The following GRID2 variants were observed in gnomAD, a reference collection of about 807,000 sequenced individuals.
GRID2 encodes glutamate ionotropic receptor delta type subunit 2, also known as glutamate receptor ionotropic, delta-2.
GRID2 carries 33 observed loss-of-function variants against 114.8 expected under a neutral mutation model. The observed-to-expected ratio is 0.29, with a 90% CI of 0.22 to 0.38. GRID2 has a LOEUF of 0.38. GRID2 is among the 10% of genes least tolerant of loss of function. The probability of loss-of-function intolerance (pLI) is 1.00; values close to 1 mark genes in which losing one functional copy is unlikely to be tolerated. For synonymous variants in GRID2, 505 were observed against 449.9 expected (o/e 1.12, Z -1.55); for missense variants, 1,184 against 1,257.7 (o/e 0.94, Z 0.89).
At chr4:92,349,805 A>C (rs1727972725) in intron 1 of GRID2, among the ~76,000 whole-genome samples, 1 of 151,874 alleles carries the variant, frequency 6.6e-6, no homozygotes, top group African/African-American at 2.4e-5. Context: ...TAAAACACAG[A>C]TAATGAAAAG....
chr4:93,036,610 T>G (rs1724960265), intron 2 of GRID2, among the ~76,000 whole-genome samples: 1 of 152,296 alleles, frequency 6.6e-6, no homozygotes, highest in African/African-American at 2.4e-5. Context: ...AGTTAGCCAA[T>G]AATGTTATCA....
chr4:93,571,300 T>C (rs1361800939), intron 13 of GRID2, among the ~76,000 whole-genome samples: 1 of 152,126 alleles, frequency 6.6e-6, no homozygotes, highest in Non-Finnish European at 1.5e-5. Context: ...CAAGTAACTT[T>C]CTTGAGGTTA....
chr4:93,181,457 C>T (rs1739889262), intron 4 of GRID2, among the ~76,000 whole-genome samples: 1 of 152,114 alleles, frequency 6.6e-6, no homozygotes, highest in Admixed American at 6.6e-5. Flanking sequence ...AAGTCATCAG[C>T]TATATTAACC....
At chr4:93,722,005 A>G (rs1168074596) in intron 14 of GRID2, among the ~76,000 whole-genome samples, 2 of 142,416 alleles carry the variant, frequency 1.4e-5, no homozygotes, top group Non-Finnish European at 3.0e-5. Flanking sequence ...TGCAACCTCC[A>G]CTTCCCAGGT....
chr4:92,947,688 T>A (rs1751738584), intron 2 of GRID2, among the ~76,000 whole-genome samples: 1 of 151,698 alleles, frequency 6.6e-6, no homozygotes, highest in African/African-American at 2.4e-5. Flanking sequence ...TCTTCAGAGG[T>A]GTATATGGGT....
rs112168848 is a variant in GRID2, at chr4:93,564,555, G to A, written c.2193+49144G>A. On this transcript the variant is annotated intron_variant, in intron 13 of 15. Coordinates refer to ENST00000282020, the MANE Select transcript of GRID2 (RefSeq NM_001510.4). ...CTTAACATGTTGACAGCACACAAAA[G>A]CTCAAAATCTGCTTTTTAATAAGTG... Among the ~76,000 whole-genome samples the A allele has an allele frequency of 1.2e-3, 181 of 152,116 alleles. 1 individual carries two copies. Among genetic ancestry groups the A allele is most frequent in the African/African-American group, 4.2e-3 (176 of 41,550 alleles).
At chr4:92,887,957 T>C (rs1746490859) in intron 2 of GRID2, among the ~76,000 whole-genome samples, 1 of 152,214 alleles carries the variant, frequency 6.6e-6, no homozygotes, top group African/African-American at 2.4e-5. Flanking sequence ...TATACATCTG[T>C]TTCCTAGTGC....
intron 1 of GRID2, among the ~76,000 whole-genome samples, chr4:92,398,404 G>T (rs753092028): frequency 2.0e-5 from 3 of 152,120 alleles, no homozygotes; most frequent in Non-Finnish European, 4.4e-5. Context: ...GGGCTCAAGT[G>T]ATCCTCCTGC....
At chr4:93,088,108 A>C (rs1260331299) in intron 3 of GRID2, among the ~76,000 whole-genome samples, 1 of 152,294 alleles carries the variant, frequency 6.6e-6, no homozygotes, top group African/African-American at 2.4e-5. Flanking sequence ...CTTCTATATC[A>C]AGTTAATTAG....
intron 1 of GRID2, among the ~76,000 whole-genome samples, chr4:92,549,121 G>A (rs752265493): frequency 0.015 from 956 of 63,242 alleles, 4 homozygotes; most frequent in Middle Eastern, 0.031. Context: ...TAGGTCTTCC[G>A]CAAAAAAAAA....
intron 2 of GRID2, among the ~76,000 whole-genome samples, chr4:92,789,436 G>A (rs936035049): frequency 6.6e-6 from 1 of 151,810 alleles, no homozygotes; most frequent in African/African-American, 2.4e-5. Context: ...TTGGACACAC[G>A]TTAGATTATC....
chr4:93,408,900 A>G (rs955066608), intron 9 of GRID2, among the ~76,000 whole-genome samples: 2 of 152,156 alleles, frequency 1.3e-5, no homozygotes, highest in African/African-American at 4.8e-5. Flanking sequence ...AGAAAAAGGT[A>G]CATCCCTCAG....
At chr4:93,710,721 G>A (rs559669207) in intron 14 of GRID2, among the ~76,000 whole-genome samples, 1 of 152,282 alleles carries the variant, frequency 6.6e-6, no homozygotes, top group Admixed American at 6.5e-5. Flanking sequence ...TGGGAGCCAG[G>A]ACCTGGAGTT....
At chr4:93,072,502 CAG>C (rs1317957720) in intron 2 of GRID2, among the ~76,000 whole-genome samples, 1 of 152,066 alleles carries the variant, frequency 6.6e-6, no homozygotes, top group African/African-American at 2.4e-5. Context: ...GGATATGAAA[CAG>C]AGCTCTCCTG....
rs1168592031 is a variant in GRID2, at chr4:92,863,516, C to A, written c.245-221479C>A. Among the ~76,000 whole-genome samples, 4 of 152,084 alleles carry A rather than the reference C, an allele frequency of 2.6e-5. No individual in the cohort carries two copies. The East Asian group carries it at 7.7e-4, about 29-fold the overall frequency. ...CCCAATCAAGATTAAATTACAGCAG[C>A]CTGCTCATCTACTCTTCAAATACTC... On this transcript the variant is annotated intron_variant, in intron 2 of 15. Coordinates refer to ENST00000282020, the MANE Select transcript of GRID2 (RefSeq NM_001510.4).
chr4:92,341,379 A>G (rs1727481341), intron 1 of GRID2, among the ~76,000 whole-genome samples: 1 of 152,094 alleles, frequency 6.6e-6, no homozygotes, highest in Non-Finnish European at 1.5e-5. Context: ...GCAGTTCTCC[A>G]CTGACTTTCT....
At chr4:92,640,282 A>T (rs971200273) in intron 2 of GRID2, among the ~76,000 whole-genome samples, 8 of 151,862 alleles carry the variant, frequency 5.3e-5, no homozygotes, top group Admixed American at 4.6e-4. Context: ...AATCTTATAT[A>T]AAAAGCTCTA....
chr4:92,945,490 A>T (rs1751556809), intron 2 of GRID2, among the ~76,000 whole-genome samples: 1 of 152,164 alleles, frequency 6.6e-6, no homozygotes, highest in African/African-American at 2.4e-5. Flanking sequence ...ATTCATTGAG[A>T]TACCAAGACA....
rs148813731 is a variant in GRID2, at chr4:93,416,016, A to G, written c.1348-6755A>G. On this transcript the variant is annotated intron_variant, in intron 9 of 15. Coordinates refer to ENST00000282020, the MANE Select transcript of GRID2 (RefSeq NM_001510.4). ...ATTATTTATAAACATTTGCTCCTTCATAAAATCTTCCTGCAATCCCTCTTT... is the reference window on the plus strand; with the variant it reads ...ATTATTTATAAACATTTGCTCCTTCGTAAAATCTTCCTGCAATCCCTCTTT... Among the ~76,000 whole-genome samples, 1,132 of 152,132 alleles carry G rather than the reference A, an allele frequency of 7.4e-3. 13 individuals are homozygous for G. The highest frequency in any genetic ancestry group is 0.026 in the African/African-American group (1,062 of 41,558).
Sources: gnomAD v4.1 joint callset for allele counts (sites outside exome capture counted in the v4.1 genomes callset) on GRCh38, gnomAD v4.1.1 for gene constraint, MANE v1.5 for transcripts, NCBI Gene and HGNC (gene_info 2026-07-23, HGNC 2026-07-21) for gene names.